CRLF2: variants seen among roughly 807,000 people sequenced by gnomAD.
CRLF2 encodes cytokine receptor-like factor 2.
In CRLF2, 41 loss-of-function variants were observed where a neutral mutation model predicts 38.7. The ratio of observed to expected loss-of-function variants is 1.06; its 90% CI spans 0.83 to 1.37. The LOEUF (loss-of-function observed/expected upper bound fraction) is 1.37. Among genes scored for constraint, CRLF2 ranks in the 40% most tolerant of loss-of-function variants. The pLI is 0.00. For synonymous variants in CRLF2, 140 were observed against 128.8 expected (o/e 1.09, Z -0.59); for missense variants, 377 against 322.2 (o/e 1.17, Z -1.30).
chrX:1,210,740 TTAGA>T (rs1164828956), intron 1 of CRLF2, among the ~76,000 whole-genome samples: 8 of 152,156 alleles, frequency 5.3e-5, no homozygotes, highest in Non-Finnish European at 1.2e-4. Flanking sequence ...AATGGTAATG[TTAGA>T]TAGATAGAAT....
chrX:1,205,163 C>T (rs1234196107), intron 3 of CRLF2, among the ~76,000 whole-genome samples: 1 of 152,330 alleles, frequency 6.6e-6, no homozygotes. Flanking sequence ...CTCCCGGGGT[C>T]ATCTGGTCTC....
chrX:1,197,543 C>T (rs1228585209), intron 5 of CRLF2, among the ~76,000 whole-genome samples: 21 of 152,026 alleles, frequency 1.4e-4, no homozygotes, highest in Admixed American at 3.9e-4. Context: ...AGGCCGGGCG[C>T]GGTGGCTCAC....
In CRLF2 at chrX:1,190,681, G is replaced by A. The variant is rs1401505970; in HGVS notation, c.*216C>T. The stretch of plus-strand genomic sequence containing the variant: ...CTCCTGGAGCAATTGGCTCCCATCT[G>A]CCATCAAGCCTTTGAACACAGAGAC... On this transcript the variant is annotated 3_prime_UTR_variant, in exon 8 of 8. Transcript: ENST00000400841. 5 of 397,150 alleles carry A rather than the reference G, an allele frequency of 1.3e-5. No individual in the cohort carries two copies. The highest frequency in any genetic ancestry group is 2.2e-5 in the Non-Finnish European group (5 of 225,752). The allele number at this position is 397,150 out of a possible 1,614,324, so 24.6% of individuals were successfully genotyped here.
chrX:1,192,001 C>T (rs1390639890), intron 7 of CRLF2, among the ~76,000 whole-genome samples: 2,173 of 145,998 alleles, frequency 0.015, 54 homozygotes, highest in African/African-American at 0.05. Flanking sequence ...GTGAGGAGAT[C>T]GAGACCATCC....
intron 1 of CRLF2, among the ~76,000 whole-genome samples, chrX:1,210,968 G>C (rs2086786665): frequency 6.6e-6 from 1 of 151,652 alleles, no homozygotes; most frequent in African/African-American, 2.4e-5. Context: ...TGGATACATA[G>C]ATGTGTACAT....
rs2086425743 is a variant in CRLF2, at chrX:1,193,311, G to C, written c.768-9C>G. The C allele has an allele frequency of 2.5e-6, 1 of 398,702 alleles. No homozygotes were observed. The highest frequency in any genetic ancestry group is 4.4e-6 in the Non-Finnish European group (1 of 226,254). 24.7% of individuals were successfully genotyped at this position (398,702 alleles called of 1,614,324 possible). ...TGAGAAACTTCTTCACTCTGAAATA[G>C]AGACGGAGAGCGTGGTCAGGTCGGC... On this transcript the variant is annotated splice_polypyrimidine_tract_variant and intron_variant, in intron 6 of 7. Coordinates refer to ENST00000400841, the MANE Select transcript of CRLF2 (RefSeq NM_022148.4).
chrX:1,212,154 T>C (rs1449289805), intron 1 of CRLF2, among the ~76,000 whole-genome samples: 2 of 151,524 alleles, frequency 1.3e-5, no homozygotes, highest in Non-Finnish European at 2.9e-5. Context: ...GATGGATGGA[T>C]AGTGGATGGA....
rs1304077775 is a variant in CRLF2, at chrX:1,212,568, GC to G, written c.66del (p.Gln23LysfsTer17). 3 of 1,611,830 alleles carry G rather than the reference GC, an allele frequency of 1.9e-6. No homozygotes were observed. The highest frequency in any genetic ancestry group is 1.1e-5 in the South Asian group (1 of 91,022). Reference protein sequence around the residue: ...VFLLGGWMALGQGGAAEGVQI... With the variant: ...VFLLGGWMALXQGGAAEGVQI... ...TTTAAATAATTACCTGCTCCTCCTT[GC>G]CCCAAAGCCATCCAGCCTCCCAGCA... On this transcript the variant is annotated frameshift_variant, in exon 1 of 8. Coordinates refer to ENST00000400841, the MANE Select transcript of CRLF2 (RefSeq NM_022148.4). LOFTEE classifies it high-confidence loss of function.
chrX:1,196,745 T>A (rs771900820), intron 6 of CRLF2, 35 bp downstream of exon 6: 33 of 1,608,868 alleles, frequency 2.1e-5, no homozygotes, highest in Non-Finnish European at 2.8e-5. Flanking sequence ...TGCAAGCAGG[T>A]CCCTCCACCC....
At chrX:1,207,235 C>A (rs1291509504) in intron 2 of CRLF2, among the ~76,000 whole-genome samples, 1 of 151,780 alleles carries the variant, frequency 6.6e-6, no homozygotes, top group Non-Finnish European at 1.5e-5. Context: ...CGTGAGCCAC[C>A]GCGCCCGGCC....
intron 4 of CRLF2, among the ~76,000 whole-genome samples, chrX:1,202,187 T>C (rs1259433278): frequency 6.6e-6 from 1 of 151,946 alleles, no homozygotes; most frequent in East Asian, 1.9e-4. Flanking sequence ...GACAGACATA[T>C]TATTGGTTCT....
At position 1,196,851 on chromosome X, in the gene CRLF2, A is replaced by G. The variant is rs183174791; in HGVS notation, c.696T>C (p.Phe232=). The G allele has an allele frequency of 1.1e-5, 17 of 1,613,696 alleles. No individual in the cohort carries two copies. The East Asian group carries it at 3.3e-4, about 32-fold the overall frequency. ...PTPPKPKLSK[F]ILISSLAILL... is the part of the protein sequence containing the mutation. Reference sequence around the variant, plus strand: ...GGATGGCCAGGCTGGAAATTAAAATAAATTTGGACAGCTTTGGTTTGGGAG... The same window carrying G: ...GGATGGCCAGGCTGGAAATTAAAATGAATTTGGACAGCTTTGGTTTGGGAG... The change falls in exon 6 of 8, where the codon TTT becomes TTC. Residue 232 remains phenylalanine, a synonymous_variant. Transcript: ENST00000400841.
chrX:1,196,209 A>G (rs867540354), intron 6 of CRLF2, among the ~76,000 whole-genome samples: 5 of 131,660 alleles, frequency 3.8e-5, no homozygotes, highest in Non-Finnish European at 6.3e-5. Context: ...TTTTTTTGAG[A>G]CAGAGTCTCG....
chrX:1,193,781 C>CA (rs1176813644), intron 6 of CRLF2, among the ~76,000 whole-genome samples: 19,023 of 58,798 alleles, frequency 0.32, 4,042 homozygotes, highest in East Asian at 0.41. Flanking sequence ...GACTCCATCT[C>CA]AAAAAAAAAA....
chrX:1,192,708 T>TTTCTTTC (rs1333556562), intron 7 of CRLF2, among the ~76,000 whole-genome samples: 59 of 110,102 alleles, frequency 5.4e-4, no homozygotes, highest in Middle Eastern at 3.9e-3. Flanking sequence ...TTTTCTTTTC[T>TTTCTTTC]TTTCTTTCTT....
rs139514224 is a variant in CRLF2 at position 1,206,900 on chromosome X, C to G, written c.183-301G>C. Among the ~76,000 whole-genome samples, 549 of 150,572 alleles carry G rather than the reference C, an allele frequency of 3.6e-3. 3 individuals carry two copies. Among genetic ancestry groups the G allele is most frequent in the African/African-American group, 0.013 (515 of 40,872 alleles). On this transcript the variant is annotated intron_variant, in intron 2 of 7. Coordinates refer to ENST00000400841, the MANE Select transcript of CRLF2 (RefSeq NM_022148.4). ...CCTCAGGTGATCCATACACCTTGGCCTCCCAAACTGCTGGAATGAGAGGTG... is the reference window on the plus strand; with the variant it reads ...CCTCAGGTGATCCATACACCTTGGCGTCCCAAACTGCTGGAATGAGAGGTG...
intron 6 of CRLF2, 27 bp downstream of exon 6, chrX:1,196,753 C>G (rs746997077): frequency 9.9e-6 from 16 of 1,610,874 alleles, no homozygotes; most frequent in Non-Finnish European, 1.3e-5. Flanking sequence ...GGTCCCTCCA[C>G]CCACGGGCGG....
At chrX:1,192,702 C>A (rs1394092982) in intron 7 of CRLF2, among the ~76,000 whole-genome samples, 1 of 112,990 alleles carries the variant, frequency 8.9e-6, no homozygotes, top group Non-Finnish European at 1.9e-5. Flanking sequence ...TTTTTCTTTT[C>A]TTTTCTTTTC....
rs758990868 is a variant in CRLF2 at position 1,200,218 on chromosome X, C to T, written c.484-1494G>A. ...ATATGTGTGTATGTGTGTGTATATACGGTGTGTGTATACGTGTGTATAAAT... is the reference window on the plus strand; with the variant it reads ...ATATGTGTGTATGTGTGTGTATATATGGTGTGTGTATACGTGTGTATAAAT... On this transcript the variant is annotated intron_variant, in intron 4 of 7. Coordinates refer to ENST00000400841, the MANE Select transcript of CRLF2 (RefSeq NM_022148.4). Among the ~76,000 whole-genome samples the T allele has an allele frequency of 2.4e-3, 346 of 146,230 alleles. 4 individuals carry two copies. Among genetic ancestry groups the T allele is most frequent in the Non-Finnish European group, 2.4e-3 (162 of 66,470 alleles).
Sources: allele counts gnomAD v4.1 joint callset (sites outside exome capture counted in the v4.1 genomes callset), GRCh38; gene constraint gnomAD v4.1.1; transcripts MANE v1.5; gene names NCBI Gene and HGNC (gene_info 2026-07-23, HGNC 2026-07-21).